Variants in ERCC8 observed in about 807,000 individuals in gnomAD.
ERCC8 encodes ERCC excision repair 8, CSA ubiquitin ligase complex subunit, also known as DNA excision repair protein ERCC-8.
In ERCC8, 52 loss-of-function variants were observed where a neutral mutation model predicts 54.9. That is an observed-to-expected ratio of 0.95 (90% CI 0.76 to 1.19). The LOEUF (loss-of-function observed/expected upper bound fraction) is 1.19. Among genes scored for constraint, ERCC8 ranks in the 50% most tolerant of loss-of-function variants. ERCC8 has a pLI of 0.00. For missense variants in ERCC8, 514 were observed against 466.1 expected, an observed-to-expected ratio of 1.10 and a Z score of -0.95; for synonymous variants, 146 against 157.2, an observed-to-expected ratio of 0.93 and a Z score of 0.53.
chr5:60,896,400 C>T (rs765571269), intron 9 of ERCC8, among the ~76,000 whole-genome samples: 6 of 151,972 alleles, frequency 3.9e-5, no homozygotes, highest in Non-Finnish European at 7.4e-5. Context: ...TTAGTAGAGA[C>T]GGGGTTTCAT....
At chr5:60,939,756 A>G (rs966738841) in intron 1 of ERCC8, among the ~76,000 whole-genome samples, 2 of 152,120 alleles carry the variant, frequency 1.3e-5, no homozygotes, top group Non-Finnish European at 2.9e-5. Flanking sequence ...TTGGCCTCCC[A>G]AAGTGCTGGG....
rs191451858 is a variant in ERCC8, at chr5:60,931,194, G to T, written c.78-2235C>A. On this transcript the variant is annotated intron_variant, in intron 1 of 11. Coordinates refer to ENST00000676185, the MANE Select transcript of ERCC8 (RefSeq NM_000082.4). ...GTAATAAGTGGTAGTCCCAGGAGTG[G>T]TGATTATTATTAAATGCATCTCCTG... 7.9e-5 allele frequency among the ~76,000 whole-genome samples: 12 copies of T among 152,076 alleles called. No homozygotes were observed. The East Asian group carries it at 1.5e-3, about 20-fold the overall frequency.
chr5:60,940,895 G>A (rs926851324), intron 1 of ERCC8, among the ~76,000 whole-genome samples: 1 of 152,148 alleles, frequency 6.6e-6, no homozygotes, highest in Admixed American at 6.5e-5. Context: ...AAATTTCCCT[G>A]CATATAAAGA....
chr5:60,938,602 T>C (rs290517), intron 1 of ERCC8, among the ~76,000 whole-genome samples: 132,748 of 152,002 alleles, frequency 0.87, 58,255 homozygotes, highest in East Asian at 0.95. Context: ...GATCCACCTG[T>C]CTCGGCCTCC....
intron 11 of ERCC8, among the ~76,000 whole-genome samples, chr5:60,885,026 C>CAA (rs1748354880): frequency 6.8e-6 from 1 of 147,260 alleles, no homozygotes; most frequent in African/African-American, 2.5e-5. Flanking sequence ...TTTTTTTTTT[C>CAA]CTTTGAGTCA....
chr5:60,886,424 A>AG (rs1179333318), intron 11 of ERCC8, among the ~76,000 whole-genome samples: 1 of 152,144 alleles, frequency 6.6e-6, no homozygotes, highest in African/African-American at 2.4e-5. Context: ...AATGTCGGCT[A>AG]GGGGTAGTGG....
intron 1 of ERCC8, among the ~76,000 whole-genome samples, chr5:60,929,952 T>C (rs1053388288): frequency 6.6e-6 from 1 of 152,226 alleles, no homozygotes; most frequent in South Asian, 2.1e-4. Flanking sequence ...TTTTGGCCTA[T>C]AAAATTATCA....
intron 1 of ERCC8, among the ~76,000 whole-genome samples, chr5:60,929,905 A>G (rs1749857851): frequency 6.6e-6 from 1 of 152,228 alleles, no homozygotes; most frequent in Non-Finnish European, 1.5e-5. Flanking sequence ...TTCATTATTG[A>G]TTAAAATAAT....
At chr5:60,894,109 C>T (rs1488473002) in intron 9 of ERCC8, among the ~76,000 whole-genome samples, 4 of 151,774 alleles carry the variant, frequency 2.6e-5, no homozygotes, top group Non-Finnish European at 5.9e-5. Flanking sequence ...CTCAGCCTCC[C>T]GAGTAGCTGG....
intron 11 of ERCC8, among the ~76,000 whole-genome samples, chr5:60,877,936 C>T (rs1437918934): frequency 6.6e-6 from 1 of 152,142 alleles, no homozygotes; most frequent in Admixed American, 6.5e-5. Flanking sequence ...GAGAGGGCAT[C>T]CCTGTCTTGT....
At chr5:60,919,424 C>T (rs1749537238) in intron 3 of ERCC8, 1 of 151,860 alleles carries the variant, frequency 6.6e-6, no homozygotes, top group Non-Finnish European at 1.5e-5. Context: ...CAGATACAAC[C>T]GTGATGCTTT....
In ERCC8 at chr5:60,938,072, T is replaced by C. The variant is rs1291139612; in HGVS notation, c.77+6860A>G. ...ACATATATATATATATATATATATA[T>C]ATATATATATATATTTTATTTTTTT... On this transcript the variant is annotated intron_variant, in intron 1 of 11. Coordinates refer to ENST00000676185, the MANE Select transcript of ERCC8 (RefSeq NM_000082.4). 4.6e-4 allele frequency among the ~76,000 whole-genome samples: 17 copies of C among 36,812 alleles called. 1 individual carries two copies. Among genetic ancestry groups the C allele is most frequent in the African/African-American group, 1.4e-3 (15 of 10,750 alleles). The allele number at this position is 36,812 out of a possible 152,430, so 24.2% of individuals were successfully genotyped here.
intron 1 of ERCC8, among the ~76,000 whole-genome samples, chr5:60,932,520 A>C (rs1749937471): frequency 6.6e-6 from 1 of 152,192 alleles, no homozygotes; most frequent in African/African-American, 2.4e-5. Context: ...CTTCCCTGAT[A>C]GACATTTCAC....
At chr5:60,889,770 C>T (rs1208354703) in intron 10 of ERCC8, among the ~76,000 whole-genome samples, 1 of 152,202 alleles carries the variant, frequency 6.6e-6, no homozygotes, top group East Asian at 1.9e-4. Flanking sequence ...AATACAAACA[C>T]ATGCTTTATC....
In ERCC8 at chr5:60,874,062, A is replaced by C. The variant is rs983437856; in HGVS notation, c.*553T>G. Reference sequence around the variant, plus strand: ...TCCTGTGATGCACATTTTGGATAGTAGGAGACATTGAGCCCCAAAATGTTT... The same window carrying C: ...TCCTGTGATGCACATTTTGGATAGTCGGAGACATTGAGCCCCAAAATGTTT... On this transcript the variant is annotated 3_prime_UTR_variant, in exon 12 of 12. Coordinates refer to ENST00000676185, the MANE Select transcript of ERCC8 (RefSeq NM_000082.4). 20 of 152,462 alleles carry C rather than the reference A, an allele frequency of 1.3e-4. No homozygotes were observed. The highest frequency in any genetic ancestry group is 1.5e-5 in the Non-Finnish European group (1 of 68,226). 9.4% of individuals were successfully genotyped at this position (152,462 alleles called of 1,614,324 possible). A position where few individuals can be genotyped will look rare whatever the true frequency, so the allele number is the denominator to read the frequency against.
chr5:60,911,561 GT>G (rs755405622), intron 4 of ERCC8, among the ~76,000 whole-genome samples: 11 of 152,000 alleles, frequency 7.2e-5, no homozygotes, highest in Non-Finnish European at 1.2e-4. Flanking sequence ...CTTAATGGTA[GT>G]TTCTTTTGCT....
chr5:60,904,976 G>C, intron 4 of ERCC8, 103 bp from the exon 5 acceptor site: 1 of 582,586 alleles, frequency 1.7e-6, no homozygotes, highest in South Asian at 2.1e-5. Context: ...TTTTTAAATT[G>C]ACTGTTAGCA....
intron 8 of ERCC8, 150 bp from the exon 9 acceptor site, chr5:60,898,550 T>C (rs1214231988): frequency 4.9e-5 from 41 of 834,884 alleles, no homozygotes; most frequent in Non-Finnish European, 9.6e-6. Context: ...TCAGATTATT[T>C]GAATAGGATA....
chr5:60,927,336 A>C (rs995977511), intron 2 of ERCC8, among the ~76,000 whole-genome samples: 4 of 152,196 alleles, frequency 2.6e-5, no homozygotes, highest in African/African-American at 7.2e-5. Flanking sequence ...TTTCCACAGA[A>C]TGTACGCTTT....
Sources: allele counts gnomAD v4.1 joint callset (sites outside exome capture counted in the v4.1 genomes callset), GRCh38; gene constraint gnomAD v4.1.1; transcripts MANE v1.5; gene names NCBI Gene and HGNC (gene_info 2026-07-23, HGNC 2026-07-21).